The following ATP2B1 variants were observed in gnomAD, a reference collection of about 807,000 sequenced individuals.
ATP2B1 encodes ATPase plasma membrane Ca2+ transporting 1.
ATP2B1 carries 14 observed loss-of-function variants against 124.2 expected under a neutral mutation model. That is an observed-to-expected ratio of 0.11 (90% CI 0.07 to 0.18). ATP2B1 has a LOEUF of 0.18. ATP2B1 is among the 10% of genes least tolerant of loss of function. The pLI, the probability that ATP2B1 is intolerant of heterozygous loss-of-function variation, is 1.00. For synonymous variants in ATP2B1, 449 were observed against 492.4 expected (o/e 0.91, Z 1.17); for missense variants, 763 against 1,466.1 (o/e 0.52, Z 7.83).
Position 89,655,815 on chromosome 12 carries a change from A to G in ATP2B1, c.72T>C (p.Asp24=), listed in dbSNP as rs1885890503. Residue 24 remains aspartate, a synonymous_variant, in exon 2 of 21, where the codon GAT becomes GAC. Transcript: ENST00000428670. The part of the protein sequence containing the change: ...VKNSLKEANH[D]GDFGITLAEL... The stretch of plus-strand genomic sequence containing the variant: ...CTGCGAGCGTAATTCCAAAGTCTCC[A>G]TCATGATTAGCTTCCTTCAAAGAGT... 1.9e-6 allele frequency: 3 copies of G among 1,614,172 alleles called. No homozygotes were observed. Among genetic ancestry groups the G allele is most frequent in the Non-Finnish European group, 2.5e-6 (3 of 1,179,982 alleles).
intron 19 of ATP2B1, among the ~76,000 whole-genome samples, chr12:89,600,795 C>A (rs1039848823): frequency 1.3e-5 from 2 of 151,880 alleles, no homozygotes; most frequent in Admixed American, 6.6e-5. Flanking sequence ...ATTACAGGCG[C>A]CTGCCACCAT....
At chr12:89,707,557 G>C (rs1892623006) in intron 1 of ATP2B1, among the ~76,000 whole-genome samples, 1 of 152,154 alleles carries the variant, frequency 6.6e-6, no homozygotes, top group South Asian at 2.1e-4. Context: ...GCACAGAAGC[G>C]AAAGGTGGCT....
At chr12:89,677,971 T>TATATATATATATATATATATACACACAC (rs1461216851) in intron 1 of ATP2B1, among the ~76,000 whole-genome samples, 38 of 52,258 alleles carry the variant, frequency 7.3e-4, no homozygotes, top group Non-Finnish European at 1.3e-3. Flanking sequence ...TATATATATA[T>TATATATATATATATATATATACACACAC]ACACACACAC....
chr12:89,704,070 G>A (rs1892166331), intron 1 of ATP2B1, among the ~76,000 whole-genome samples: 1 of 152,012 alleles, frequency 6.6e-6, no homozygotes. Context: ...CTCCTCATTT[G>A]GAACCTTTTA....
intron 20 of ATP2B1, among the ~76,000 whole-genome samples, chr12:89,592,830 C>CA (rs1259001072): frequency 3.3e-5 from 5 of 152,000 alleles, no homozygotes; most frequent in Non-Finnish European, 2.9e-5. Context: ...AATGTGCATA[C>CA]AAATTAGTTG....
chr12:89,648,622 T>A (rs764525983), intron 2 of ATP2B1, among the ~76,000 whole-genome samples: 1 of 152,162 alleles, frequency 6.6e-6, no homozygotes, highest in Admixed American at 6.5e-5. Context: ...GGACCTGTGG[T>A]AGAGAAGGAA....
chr12:89,626,403 C>T, intron 8 of ATP2B1, 51 bp downstream of exon 8: 2 of 1,514,258 alleles, frequency 1.3e-6, no homozygotes, highest in Non-Finnish European at 1.8e-6. Flanking sequence ...AATTTTTAAG[C>T]AGAAAGCATA....
At chr12:89,681,215 TA>T (rs528999964) in intron 1 of ATP2B1, among the ~76,000 whole-genome samples, 91 of 152,084 alleles carry the variant, frequency 6.0e-4, no homozygotes, top group Non-Finnish European at 1.2e-3. Flanking sequence ...ATATACTGAA[TA>T]AAAATGACAG....
intron 20 of ATP2B1, among the ~76,000 whole-genome samples, chr12:89,593,047 T>C (rs1035921761): frequency 6.6e-6 from 1 of 152,072 alleles, no homozygotes; most frequent in Non-Finnish European, 1.5e-5. Context: ...ATTTGACTGA[T>C]GAATAGCAGC....
intron 2 of ATP2B1, among the ~76,000 whole-genome samples, chr12:89,655,335 G>GA (rs1885822964): frequency 6.6e-6 from 1 of 152,160 alleles, no homozygotes; most frequent in Admixed American, 6.5e-5. Flanking sequence ...AGTGATCTGA[G>GA]AGTTTATTTC....
At chr12:89,672,547 T>C (rs1202543320) in intron 1 of ATP2B1, among the ~76,000 whole-genome samples, 1 of 152,212 alleles carries the variant, frequency 6.6e-6, no homozygotes, top group East Asian at 1.9e-4. Flanking sequence ...CTAGCACATA[T>C]GGCTGCCTAT....
intron 5 of ATP2B1, 71 bp downstream of exon 5, chr12:89,634,707 A>ATGGTGTT: frequency 2.8e-6 from 4 of 1,410,682 alleles, no homozygotes; most frequent in Non-Finnish European, 3.8e-6. Context: ...TCTTAGGAAA[A>ATGGTGTT]TGGTGTTTGC....
chr12:89,608,399 C>T (rs950557466), intron 15 of ATP2B1, among the ~76,000 whole-genome samples: 3 of 151,826 alleles, frequency 2.0e-5, no homozygotes, highest in Admixed American at 1.3e-4. Context: ...TGTTCTTGAA[C>T]ACCTGACCTT....
chr12:89,670,952 T>TAA (rs35401970), intron 1 of ATP2B1, among the ~76,000 whole-genome samples: 6,754 of 126,862 alleles, frequency 0.053, 306 homozygotes, highest in Middle Eastern at 0.083. Flanking sequence ...CCTTATACAT[T>TAA]AAAAAAAAAA....
chr12:89,659,616 C>T (rs1886427026), intron 1 of ATP2B1, among the ~76,000 whole-genome samples: 1 of 152,040 alleles, frequency 6.6e-6, no homozygotes, highest in African/African-American at 2.4e-5. Flanking sequence ...AGCAAGGAAA[C>T]GTTGTGTGAA....
At chr12:89,653,984 A>G (rs953319516) in intron 2 of ATP2B1, among the ~76,000 whole-genome samples, 2 of 152,208 alleles carry the variant, frequency 1.3e-5, no homozygotes, top group Non-Finnish European at 2.9e-5. Context: ...TGAACAAACT[A>G]TGTTGTTATA....
At chr12:89,638,748 G>A (rs186650878) in intron 3 of ATP2B1, among the ~76,000 whole-genome samples, 9 of 152,124 alleles carry the variant, frequency 5.9e-5, no homozygotes, top group Admixed American at 5.9e-4. Context: ...ACTGCATATA[G>A]TTAGGATATA....
At chr12:89,674,896 A>G (rs879725879) in intron 1 of ATP2B1, among the ~76,000 whole-genome samples, 3 of 152,208 alleles carry the variant, frequency 2.0e-5, no homozygotes, top group South Asian at 2.1e-4. Flanking sequence ...TAGACTACCA[A>G]GTAAATGTAA....
intron 3 of ATP2B1, 63 bp from the exon 4 acceptor site, chr12:89,635,314 G>A (rs1305381473): frequency 5.3e-6 from 8 of 1,514,976 alleles, no homozygotes; most frequent in Middle Eastern, 3.5e-4. Flanking sequence ...CATACATATA[G>A]TACGTCTAAA....
Sources: gnomAD v4.1 joint callset for allele counts (sites outside exome capture counted in the v4.1 genomes callset) on GRCh38, gnomAD v4.1.1 for gene constraint, MANE v1.5 for transcripts, NCBI Gene and HGNC (gene_info 2026-07-23, HGNC 2026-07-21) for gene names.